Variants in PLEKHG7 observed in about 807,000 individuals in gnomAD.
The protein encoded by PLEKHG7 is pleckstrin homology domain-containing family G member 7.
PLEKHG7 carries 77 observed loss-of-function variants against 85.2 expected under a neutral mutation model. The ratio of observed to expected loss-of-function variants is 0.90; its 90% CI spans 0.75 to 1.09. PLEKHG7 has a LOEUF of 1.09. PLEKHG7 is among the 50% of genes least tolerant of loss of function. PLEKHG7 has a pLI of 0.00. For synonymous variants in PLEKHG7, 301 were observed against 302.4 expected, an observed-to-expected ratio of 1.00 and a Z score of 0.05; for missense variants, 777 against 804.3, an observed-to-expected ratio of 0.97 and a Z score of 0.41.
intron 3 of PLEKHG7, among the ~76,000 whole-genome samples, chr12:92,721,942 C>A (rs563869414): frequency 6.6e-6 from 1 of 152,078 alleles, no homozygotes; most frequent in African/African-American, 2.4e-5. Flanking sequence ...GGCACCCCTA[C>A]CCCACACAGA....
At chr12:92,762,399 T>C (rs1378078372) in intron 14 of PLEKHG7, among the ~76,000 whole-genome samples, 1 of 152,198 alleles carries the variant, frequency 6.6e-6, no homozygotes, top group African/African-American at 2.4e-5. Context: ...AAGCCAAACA[T>C]GTATGTAGCA....
At chr12:92,737,670 A>G in intron 7 of PLEKHG7, 149 bp downstream of exon 7, 2 of 674,602 alleles carry the variant, frequency 3.0e-6, no homozygotes, top group Non-Finnish European at 4.5e-6. Flanking sequence ...GGAAGGAAGG[A>G]AAGGAAGGAA....
chr12:92,753,950 C>A, intron 10 of PLEKHG7, 140 bp from the exon 11 acceptor site: 1 of 768,802 alleles, frequency 1.3e-6, no homozygotes, highest in Non-Finnish European at 2.1e-6. Flanking sequence ...TAATTTGTGG[C>A]TTATAAATTG....
rs60670969 is a variant in PLEKHG7 at position 92,746,408 on chromosome 12, T to A, written c.1251+817T>A. Among the ~76,000 whole-genome samples, 16 of 152,344 alleles carry A rather than the reference T, an allele frequency of 1.1e-4. No individual in the cohort carries two copies. In the East Asian group the frequency reaches 2.9e-3, roughly 28 times the overall value. On this transcript the variant is annotated intron_variant, in intron 10 of 16. Coordinates refer to ENST00000344636, the MANE Select transcript of PLEKHG7 (RefSeq NM_001377329.1). ...GTGGGCTTCCGCCCCAGCCTTGATATGCCAGGAAGCCTGGGTGTGCCAAGG... is the reference window on the plus strand; with the variant it reads ...GTGGGCTTCCGCCCCAGCCTTGATAAGCCAGGAAGCCTGGGTGTGCCAAGG...
rs1322490475 is a variant in PLEKHG7 at position 92,736,705 on chromosome 12, G to A, written c.795+128G>A. On this transcript the variant is annotated intron_variant, in intron 6 of 16. Coordinates refer to ENST00000344636, the MANE Select transcript of PLEKHG7 (RefSeq NM_001377329.1). ...TGTTTATAGTAAGAGCAAAATGCAA[G>A]AGAGGAACCCAGGACTGAGCAGGGC... is the stretch of plus-strand genomic sequence containing the variant. 3 of 491,684 alleles carry A rather than the reference G, an allele frequency of 6.1e-6. No individual in the cohort carries two copies. In the East Asian group the frequency reaches 1.1e-4, roughly 17 times the overall value. The allele number at this position is 491,684 out of a possible 1,614,324, so 30.5% of individuals were successfully genotyped here.
Position 92,710,086 on chromosome 12 carries a change from C to T in PLEKHG7, c.530+2414C>T, listed in dbSNP as rs1336434543. Among the ~76,000 whole-genome samples the T allele has an allele frequency of 2.6e-5, 4 of 152,162 alleles. No individual in the cohort carries two copies. In the East Asian group the frequency reaches 7.7e-4, roughly 29 times the overall value. On this transcript the variant is annotated intron_variant, in intron 3 of 16. Transcript: ENST00000344636. ...TCTAGGCCAGCAGAACGTAATGTCA[C>T]AGGAACAGGAGGCAAAAATTTGGCT...
intron 15 of PLEKHG7, among the ~76,000 whole-genome samples, chr12:92,767,546 C>T (rs988197354): frequency 1.3e-5 from 2 of 151,758 alleles, no homozygotes; most frequent in Admixed American, 6.6e-5. Flanking sequence ...TAAGTCCTCT[C>T]GCTGCAGAGA....
At chr12:92,756,231 G>C in intron 12 of PLEKHG7, 67 bp from the exon 13 acceptor site, 1 of 1,244,374 alleles carries the variant, frequency 8.0e-7, no homozygotes, top group Non-Finnish European at 1.2e-6. Context: ...AATTGCCCCA[G>C]CTTTTTAAAC....
chr12:92,762,524 T>C (rs1241835173), intron 14 of PLEKHG7, among the ~76,000 whole-genome samples: 1 of 152,192 alleles, frequency 6.6e-6, no homozygotes, highest in Non-Finnish European at 1.5e-5. Context: ...TTGTTATTTT[T>C]ACTACCCATT....
rs139720151 is a variant in PLEKHG7 at position 92,712,637 on chromosome 12, AT to A, written c.530+4974del. ...TTTCCACAATCCCTCCAGGGATGCG[AT>A]TTTTTTTTATTTACTATTTTTCTAG... On this transcript the variant is annotated intron_variant, in intron 3 of 16. Transcript: ENST00000344636. Among the ~76,000 whole-genome samples, 13 of 151,604 alleles carry A rather than the reference AT, an allele frequency of 8.6e-5. No individual in the cohort carries two copies. In the South Asian group the frequency reaches 2.3e-3, roughly 27 times the overall value.
At chr12:92,735,913 C>T (rs1872132195) in intron 5 of PLEKHG7, among the ~76,000 whole-genome samples, 1 of 151,774 alleles carries the variant, frequency 6.6e-6, no homozygotes, top group Admixed American at 6.6e-5. Context: ...ATTTTTTAAA[C>T]AAATATTATT....
At chr12:92,738,023 T>C (rs1872229105) in intron 7 of PLEKHG7, among the ~76,000 whole-genome samples, 1 of 152,160 alleles carries the variant, frequency 6.6e-6, no homozygotes, top group Admixed American at 6.5e-5. Flanking sequence ...GGCAGTCCAT[T>C]GCATCTTTGC....
At chr12:92,719,420 A>G (rs998091528) in intron 3 of PLEKHG7, among the ~76,000 whole-genome samples, 16 of 152,222 alleles carry the variant, frequency 1.1e-4, no homozygotes, top group African/African-American at 3.6e-4. Context: ...ATTGCTGAAA[A>G]GCTGCCTGCT....
chr12:92,760,024 A>G (rs1217906856), intron 13 of PLEKHG7, among the ~76,000 whole-genome samples: 2 of 152,194 alleles, frequency 1.3e-5, no homozygotes, highest in African/African-American at 4.8e-5. Flanking sequence ...TGTGTGGCCC[A>G]AGATGACTCA....
At chr12:92,749,853 ATATTT>A (rs1288444384) in intron 10 of PLEKHG7, 119 of 148,644 alleles carry the variant, frequency 8.0e-4, no homozygotes, top group African/African-American at 2.2e-3. Context: ...ATTTATTAGG[ATATTT>A]TATTTTATTT....
chr12:92,753,949 G>C, intron 10 of PLEKHG7, 141 bp from the exon 11 acceptor site: 1 of 750,046 alleles, frequency 1.3e-6, no homozygotes, highest in Non-Finnish European at 2.2e-6. Context: ...TTAATTTGTG[G>C]CTTATAAATT....
chr12:92,715,870 T>C (rs1871472267), intron 3 of PLEKHG7, among the ~76,000 whole-genome samples: 1 of 152,196 alleles, frequency 6.6e-6, no homozygotes, highest in South Asian at 2.1e-4. Flanking sequence ...AACATTGTAA[T>C]GGCAGAATTG....
chr12:92,709,105 A>C (rs1329526677), intron 3 of PLEKHG7, among the ~76,000 whole-genome samples: 1 of 152,262 alleles, frequency 6.6e-6, no homozygotes, highest in Non-Finnish European at 1.5e-5. Context: ...TGATGAATTG[A>C]TATGATCAGA....
chr12:92,762,862 A>G (rs763035099), intron 14 of PLEKHG7, among the ~76,000 whole-genome samples: 1 of 152,216 alleles, frequency 6.6e-6, no homozygotes, highest in Non-Finnish European at 1.5e-5. Context: ...AATAAAATAG[A>G]TACCCATTAA....
Sources: allele counts gnomAD v4.1 joint callset (sites outside exome capture counted in the v4.1 genomes callset), GRCh38; gene constraint gnomAD v4.1.1; transcripts MANE v1.5; gene names NCBI Gene and HGNC (gene_info 2026-07-23, HGNC 2026-07-21).